The following KCNMA1 variants were observed in gnomAD, a reference collection of about 807,000 sequenced individuals.
KCNMA1 encodes the protein Calcium-activated potassium channel subunit alpha-1.
KCNMA1 carries 29 observed loss-of-function variants against 140.0 expected under a neutral mutation model. The observed-to-expected ratio is 0.21, with a 90% confidence interval of 0.15 to 0.28. KCNMA1 has a LOEUF of 0.28. Ranked by LOEUF, KCNMA1 falls within the 10% of genes least tolerant of loss-of-function variation. KCNMA1 has a pLI of 1.00. For synonymous variants in KCNMA1, 612 were observed against 611.9 expected (o/e 1.00, Z 0.00); for missense variants, 880 against 1,602.2 (o/e 0.55, Z 7.70).
Position 76,891,570 on chromosome 10 carries a change from G to A in KCNMA1, c.3297C>T (p.Arg1099=), listed in dbSNP as rs372103668. The stretch of plus-strand genomic sequence containing the variant: ...CATCGAGCAGAGCTAACTGGGCCAC[G>A]CGGCAGCGGTCCCTATTGGCCAGTG... ...PQTLANRDRC[R]VAQLALLDGP... The change falls in exon 26 of 28, where the codon CGC becomes CGT. Residue 1099 remains arginine, a synonymous_variant. Transcript: ENST00000286628. 9.3e-6 allele frequency: 15 copies of A among 1,613,726 alleles called. No homozygotes were observed. Among genetic ancestry groups the A allele is most frequent in the South Asian group, 7.7e-5 (7 of 91,078 alleles).
intron 16 of KCNMA1, among the ~76,000 whole-genome samples, chr10:77,027,283 C>A (rs1476468933): frequency 6.6e-6 from 1 of 152,166 alleles, no homozygotes; most frequent in African/African-American, 2.4e-5. Context: ...AAAGAGAGCT[C>A]CTGCCTCTGA....
At chr10:77,052,709 G>T (rs1462603110) in intron 14 of KCNMA1, among the ~76,000 whole-genome samples, 2 of 152,092 alleles carry the variant, frequency 1.3e-5, no homozygotes, top group Non-Finnish European at 2.9e-5. Context: ...GCAGTAGATG[G>T]GGTGATAGAG....
intron 14 of KCNMA1, among the ~76,000 whole-genome samples, chr10:77,044,927 A>G (rs1346019148): frequency 2.0e-5 from 3 of 152,160 alleles, no homozygotes; most frequent in Admixed American, 2.0e-4. Flanking sequence ...TTTGCTGTGT[A>G]CAAGTACCAA....
intron 2 of KCNMA1, among the ~76,000 whole-genome samples, chr10:77,316,527 C>T (rs2080928020): frequency 6.6e-6 from 1 of 152,188 alleles, no homozygotes; most frequent in Non-Finnish European, 1.5e-5. Context: ...TGGCTTCACC[C>T]TCAGAGTTTC....
chr10:77,217,703 G>C (rs1157636311), intron 3 of KCNMA1: 2 of 326,082 alleles, frequency 6.1e-6, no homozygotes, highest in African/African-American at 4.3e-5. Context: ...ATTATGTGTA[G>C]ATCAAATTGA....
rs3071912 is a variant in KCNMA1 at position 77,491,714 on chromosome 10, T to TACACACACAC, written c.379-87701_379-87692dup. ...TGGGGGGAAATGGGTTTAGAAGTCA[T>TACACACACAC]ACACACACACACACACACACACACA... is the stretch of plus-strand genomic sequence containing the variant. On this transcript the variant is annotated intron_variant, in intron 1 of 27. Coordinates refer to ENST00000286628, the MANE Select transcript of KCNMA1 (RefSeq NM_001161352.2). 1.9e-3 allele frequency among the ~76,000 whole-genome samples: 271 copies of TACACACACAC among 145,570 alleles called. 1 individual carries two copies. The highest frequency in any genetic ancestry group is 4.0e-3 in the African/African-American group (159 of 39,458).
intron 9 of KCNMA1, chr10:77,091,441 T>C (rs1221521823): frequency 6.6e-6 from 1 of 152,230 alleles, no homozygotes; most frequent in Non-Finnish European, 1.5e-5. Flanking sequence ...GGCAATGTCA[T>C]GGCCACTTAT....
intron 1 of KCNMA1, among the ~76,000 whole-genome samples, chr10:77,562,999 AAAT>A (rs2066894684): frequency 6.6e-6 from 1 of 152,182 alleles, no homozygotes; most frequent in Non-Finnish European, 1.5e-5. Flanking sequence ...CTATGCCCTG[AAAT>A]TTTCCATTCT....
chr10:77,488,672 C>T (rs779907246), intron 1 of KCNMA1, among the ~76,000 whole-genome samples: 75 of 152,202 alleles, frequency 4.9e-4, no homozygotes, highest in Middle Eastern at 3.4e-3. Context: ...CTGGGGCAGG[C>T]CCAGAGCCCA....
At chr10:77,581,879 A>G (rs1371188507) in intron 1 of KCNMA1, among the ~76,000 whole-genome samples, 4 of 152,204 alleles carry the variant, frequency 2.6e-5, no homozygotes, top group Non-Finnish European at 5.9e-5. Context: ...AGCTTCAAAG[A>G]GCATCTGAGT....
intron 3 of KCNMA1, among the ~76,000 whole-genome samples, chr10:77,193,507 A>G (rs1277914280): frequency 6.6e-6 from 1 of 152,184 alleles, no homozygotes; most frequent in African/African-American, 2.4e-5. Flanking sequence ...TTTATCTAGA[A>G]AAGGAATGGG....
At chr10:76,954,790 G>T (rs531685582) in intron 20 of KCNMA1, among the ~76,000 whole-genome samples, 7 of 152,246 alleles carry the variant, frequency 4.6e-5, no homozygotes, top group African/African-American at 1.4e-4. Flanking sequence ...CTTGTCTATT[G>T]GTGGAAAAGG....
At chr10:76,996,557 C>T (rs1489989765) in intron 19 of KCNMA1, among the ~76,000 whole-genome samples, 1 of 152,118 alleles carries the variant, frequency 6.6e-6, no homozygotes, top group Non-Finnish European at 1.5e-5. Context: ...CAGGGGACAA[C>T]CCAAAGGCTC....
intron 19 of KCNMA1, chr10:76,977,684 C>A (rs529279109): frequency 2.8e-6 from 2 of 702,436 alleles, no homozygotes; most frequent in South Asian, 3.0e-5. Context: ...TGGAGCCCAC[C>A]TGAAGTGCAC....
intron 1 of KCNMA1, among the ~76,000 whole-genome samples, chr10:77,490,022 A>T (rs1228821094): frequency 2.0e-5 from 3 of 152,140 alleles, no homozygotes; most frequent in Non-Finnish European, 4.4e-5. Context: ...TTTATTGAGG[A>T]GGGTTATCCT....
intron 20 of KCNMA1, among the ~76,000 whole-genome samples, chr10:76,956,802 G>A (rs1032503012): frequency 8.5e-5 from 13 of 152,126 alleles, no homozygotes; most frequent in African/African-American, 3.1e-4. Context: ...TGGTATTTGG[G>A]TAGCATTAAG....
chr10:77,126,717 A>AAC (rs781116991), intron 5 of KCNMA1, among the ~76,000 whole-genome samples: 122 of 68,420 alleles, frequency 1.8e-3, no homozygotes, highest in African/African-American at 5.7e-3. Context: ...GGTGCCCCCC[A>AAC]CCCCCCCACC....
intron 2 of KCNMA1, among the ~76,000 whole-genome samples, chr10:77,265,101 G>C (rs1181400111): frequency 2.6e-5 from 4 of 151,616 alleles, no homozygotes; most frequent in African/African-American, 7.3e-5. Context: ...GCCCAGGCTA[G>C]AGTGCAGTGG....
chr10:77,511,645 A>C (rs2048452006), intron 1 of KCNMA1, among the ~76,000 whole-genome samples: 1 of 152,200 alleles, frequency 6.6e-6, no homozygotes, highest in African/African-American at 2.4e-5. Flanking sequence ...GGCATCTAGT[A>C]AGTGCTCAAT....
Sources: allele counts gnomAD v4.1 joint callset (sites outside exome capture counted in the v4.1 genomes callset), GRCh38; gene constraint gnomAD v4.1.1; transcripts MANE v1.5; gene names NCBI Gene and HGNC (gene_info 2026-07-23, HGNC 2026-07-21).